The following KIFC3 variants were observed in gnomAD, a reference collection of about 807,000 sequenced individuals.
KIFC3 encodes the protein kinesin family member C3, also known as kinesin-like protein KIFC3.
KIFC3 carries 60 observed loss-of-function variants against 101.8 expected under a neutral mutation model. That is an observed-to-expected ratio of 0.59 (90% CI 0.48 to 0.73). The LOEUF (loss-of-function observed/expected upper bound fraction) is 0.73, where lower values mean the gene tolerates loss of function less well. KIFC3 is among the 30% of genes least tolerant of loss of function. The pLI, the probability that KIFC3 is intolerant of heterozygous loss-of-function variation, is 0.00. For missense variants in KIFC3, 966 were observed against 1,137.1 expected, an observed-to-expected ratio of 0.85 and a Z score of 2.16; for synonymous variants, 476 against 482.7, an observed-to-expected ratio of 0.99 and a Z score of 0.18.
Position 57,760,876 on chromosome 16 carries a change from C to T in KIFC3, c.2082G>A (p.Ala694=), listed in dbSNP as rs782781100. 6.2e-6 allele frequency: 10 copies of T among 1,611,862 alleles called. No individual in the cohort carries two copies. The East Asian group carries it at 6.7e-5, about 11-fold the overall frequency. ...SGAEGSRLRE[A]QHINKSLSAL... The stretch of plus-strand genomic sequence containing the variant: ...CCGACAGCGACTTGTTGATGTGCTG[C>T]GCCTCCCGCAGGCGGCTGCCCTCGG... Residue 694 remains alanine, a synonymous_variant, in exon 16 of 20, where the codon GCG becomes GCA. Transcript: ENST00000445690.
chr16:57,766,971 G>C lies in KIFC3; in HGVS notation c.1233C>G (p.Ile411Met). 6.2e-7 allele frequency: 1 copy of C among 1,612,992 alleles called. No individual in the cohort carries two copies. Among genetic ancestry groups the C allele is most frequent in the Non-Finnish European group, 8.5e-7 (1 of 1,179,880 alleles). Residue 411 changes from isoleucine (I) to methionine (M), a missense_variant, in exon 10 of 20, where the codon ATC becomes ATG. Ile to Met is a conservative substitution (Grantham distance 10, BLOSUM62 1). This residue lies in a region of KIFC3 where 689 missense variants were observed against 884.6 expected (regional missense o/e 0.78). Transcript: ENST00000445690. The part of the protein sequence containing the change: ...RSVKAEIGQA[I>M]EEVNSNNQEL... The stretch of plus-strand genomic sequence containing the variant: ...CCTGGTTGTTGCTGTTGACCTCCTC[G>C]ATGGCCTGGCCTATCTGGTGGGGGG...
At chr16:57,771,923 C>T (rs1469177166) in intron 4 of KIFC3, among the ~76,000 whole-genome samples, 2 of 152,166 alleles carry the variant, frequency 1.3e-5, no homozygotes, top group African/African-American at 4.8e-5. Flanking sequence ...TGACCCAGAG[C>T]CTGCTCTCCC....
At chr16:57,847,704 T>C (rs1167270395) in intron 1 of KIFC3, among the ~76,000 whole-genome samples, 1 of 152,048 alleles carries the variant, frequency 6.6e-6, no homozygotes, top group East Asian at 1.9e-4. Context: ...TTTCTTTCCC[T>C]TTGGCCTTAT....
upstream of KIFC3, among the ~76,000 whole-genome samples, chr16:57,804,530 G>A (rs1555626540): frequency 2.6e-5 from 4 of 151,000 alleles, no homozygotes; most frequent in South Asian, 4.1e-4. Context: ...GAAGTGTAAG[G>A]AGGTTGTATT....
intron 3 of KIFC3, among the ~76,000 whole-genome samples, chr16:57,786,125 T>G (rs1053380571): frequency 6.6e-5 from 10 of 152,128 alleles, no homozygotes; most frequent in Non-Finnish European, 1.0e-4. Context: ...CTGTGGCAAG[T>G]GGTCAACTGT....
At chr16:57,772,412 G>T in intron 3 of KIFC3, 124 bp from the exon 4 acceptor site, 1 of 749,120 alleles carries the variant, frequency 1.3e-6, no homozygotes, top group East Asian at 2.7e-5. Context: ...TGTGGCCTTA[G>T]GTTCCCCTAT....
At chr16:57,766,814 C>G in intron 10 of KIFC3, 60 bp downstream of exon 10, 2 of 1,204,198 alleles carry the variant, frequency 1.7e-6, no homozygotes, top group Non-Finnish European at 2.4e-6. Context: ...CCAAGCATGA[C>G]TGCCAAGCCA....
chr16:57,761,350 A>G (rs1555597319), intron 14 of KIFC3, 63 bp downstream of exon 14: 3 of 1,608,652 alleles, frequency 1.9e-6, no homozygotes, highest in East Asian at 2.2e-5. Context: ...CAGAGCCTAC[A>G]TTCAAACCCA....
At chr16:57,788,435 C>G in intron 3 of KIFC3, 1 of 669,210 alleles carries the variant, frequency 1.5e-6, no homozygotes, top group East Asian at 6.7e-5. Context: ...ATTGCAGCTG[C>G]GGATCAGGCA....
chr16:57,838,549 T>G (rs1163856088), intron 1 of KIFC3, among the ~76,000 whole-genome samples: 1 of 152,054 alleles, frequency 6.6e-6, no homozygotes, highest in Admixed American at 6.6e-5. Context: ...CAGCCCCGAG[T>G]GGGAAACAGG....
intron 1 of KIFC3, among the ~76,000 whole-genome samples, chr16:57,827,076 C>T (rs1454673107): frequency 6.6e-6 from 1 of 152,212 alleles, no homozygotes; most frequent in Non-Finnish European, 1.5e-5. Context: ...ACTCAGGTGA[C>T]AAGAGTCACT....
At chr16:57,824,605 C>T (rs2149282947) in intron 1 of KIFC3, among the ~76,000 whole-genome samples, 1 of 152,300 alleles carries the variant, frequency 6.6e-6, no homozygotes, top group Middle Eastern at 3.4e-3. Context: ...ATTGCCTGAG[C>T]ACAGGAGGCG....
At chr16:57,815,274 T>TG (rs1307411048) in intron 1 of KIFC3, 1 of 295,796 alleles carries the variant, frequency 3.4e-6, no homozygotes, top group African/African-American at 2.3e-5. Flanking sequence ...TGCCCAAGGC[T>TG]GTGGGGGTCC....
upstream of KIFC3, among the ~76,000 whole-genome samples, chr16:57,806,720 T>C (rs181417416): frequency 1.8e-4 from 28 of 152,346 alleles, no homozygotes; most frequent in Non-Finnish European, 3.5e-4. Context: ...ATTATTTCCA[T>C]GTGGTCAGGA....
intron 3 of KIFC3, chr16:57,788,449 G>A: frequency 1.2e-6 from 1 of 826,302 alleles, no homozygotes; most frequent in Non-Finnish European, 1.6e-6. Flanking sequence ...TCAGGCAGCT[G>A]GAGTCTGTCT....
At chr16:57,801,397 C>T (rs138519686) in intron 1 of KIFC3, among the ~76,000 whole-genome samples, 210 of 152,328 alleles carry the variant, frequency 1.4e-3, no homozygotes, top group Non-Finnish European at 2.4e-3. Context: ...TTCAAACCCT[C>T]TGCTCCCTGG....
intron 2 of KIFC3, among the ~76,000 whole-genome samples, chr16:57,796,683 C>T (rs940237717): frequency 6.6e-6 from 1 of 152,114 alleles, no homozygotes; most frequent in African/African-American, 2.4e-5. Flanking sequence ...CTTCATAATA[C>T]CCAATTTTTT....
In KIFC3 at chr16:57,771,587, G is replaced by A. The variant is rs782764063; in HGVS notation, c.481C>T (p.Arg161Cys). 3.2e-5 allele frequency: 52 copies of A among 1,613,326 alleles called. No individual in the cohort carries two copies. The highest frequency in any genetic ancestry group is 2.7e-5 in the Non-Finnish European group (32 of 1,180,026). Residue 161 changes from arginine to cysteine, a missense_variant, in exon 5 of 20, where the codon CGC becomes TGC. Coordinates refer to ENST00000445690, the MANE Select transcript of KIFC3 (RefSeq NM_001130100.2). ...GGGCAGGGACCTGCTGGCTTTGTGC[G>A]CAGCTCTTGCAGCTCGGCCTCACAG... The part of the protein sequence containing the change: ...RRCEAELQEL[R>C]TKPAGPCPGC...
At chr16:57,765,859 G>A in intron 10 of KIFC3, 1 of 482,882 alleles carries the variant, frequency 2.1e-6, no homozygotes, top group Non-Finnish European at 3.7e-6. Flanking sequence ...AGTTGACTGG[G>A]GTGGAGCTCT....
Sources: allele counts gnomAD v4.1 joint callset (sites outside exome capture counted in the v4.1 genomes callset), GRCh38; gene constraint gnomAD v4.1.1; regional missense constraint gnomAD v4.1.1; transcripts MANE v1.5; gene names NCBI Gene and HGNC (gene_info 2026-07-23, HGNC 2026-07-21).